ZRANB3: variants seen among roughly 807,000 people sequenced by gnomAD.
The protein encoded by ZRANB3 is DNA annealing helicase and endonuclease ZRANB3.
ZRANB3 carries 125 observed loss-of-function variants against 133.8 expected under a neutral mutation model. The observed-to-expected ratio is 0.93, with a 90% CI of 0.81 to 1.08. The LOEUF (loss-of-function observed/expected upper bound fraction) is 1.08, where lower values mean the gene tolerates loss of function less well. ZRANB3 is among the 50% of genes least tolerant of loss of function. The pLI is 0.00. For synonymous variants in ZRANB3, 387 were observed against 432.7 expected (o/e 0.89, Z 1.31); for missense variants, 1,229 against 1,275.5 (o/e 0.96, Z 0.56).
intron 3 of ZRANB3, among the ~76,000 whole-genome samples, chr2:135,382,424 A>G (rs1311277911): frequency 6.6e-6 from 1 of 152,236 alleles, no homozygotes; most frequent in African/African-American, 2.4e-5. Context: ...ACTCTGCAGG[A>G]TATTATCCAG....
chr2:135,390,565 C>A (rs1687178355), intron 3 of ZRANB3, among the ~76,000 whole-genome samples: 2 of 152,004 alleles, frequency 1.3e-5, no homozygotes, highest in African/African-American at 4.8e-5. Context: ...AATTTGGGGT[C>A]ACTAATGTTA....
At chr2:135,357,819 T>C (rs1438609120) in intron 3 of ZRANB3, among the ~76,000 whole-genome samples, 3 of 152,222 alleles carry the variant, frequency 2.0e-5, no homozygotes, top group Admixed American at 2.0e-4. Flanking sequence ...CCTCATATTT[T>C]CTAATTTAAC....
intron 6 of ZRANB3, among the ~76,000 whole-genome samples, chr2:135,339,977 C>T (rs1395863509): frequency 1.3e-5 from 2 of 151,910 alleles, no homozygotes; most frequent in Non-Finnish European, 2.9e-5. Flanking sequence ...TATGACTTCC[C>T]TAAAACAAAG....
At chr2:135,298,283 A>T (rs1682253137) in intron 8 of ZRANB3, among the ~76,000 whole-genome samples, 1 of 152,146 alleles carries the variant, frequency 6.6e-6, no homozygotes, top group Non-Finnish European at 1.5e-5. Flanking sequence ...TGCCTCCTTG[A>T]GTAGCTTAAT....
intron 3 of ZRANB3, among the ~76,000 whole-genome samples, chr2:135,378,581 T>C (rs1189342769): frequency 6.6e-6 from 1 of 151,364 alleles, no homozygotes; most frequent in Non-Finnish European, 1.5e-5. Context: ...AAAAATTCAG[T>C]ATAAAAAAAG....
Position 135,457,425 on chromosome 2 carries a change from T to C in ZRANB3, c.161+46904A>G, listed in dbSNP as rs1186372352. Among the ~76,000 whole-genome samples, 3 of 152,236 alleles carry C rather than the reference T, an allele frequency of 2.0e-5. No individual in the cohort carries two copies. The South Asian group carries it at 6.2e-4, about 32-fold the overall frequency. Reference sequence around the variant, plus strand: ...CACTATTTTACATTCCAATTAGGAGTGCATGAGGATTTCAATTAATCCACA... The same window carrying C: ...CACTATTTTACATTCCAATTAGGAGCGCATGAGGATTTCAATTAATCCACA... On this transcript the variant is annotated intron_variant, in intron 2 of 20. Transcript: ENST00000264159.
At chr2:135,281,595 G>A (rs1045073597) in intron 8 of ZRANB3, among the ~76,000 whole-genome samples, 1 of 152,074 alleles carries the variant, frequency 6.6e-6, no homozygotes, top group African/African-American at 2.4e-5. Context: ...GTCATCTTGG[G>A]GCTATAATAG....
intron 3 of ZRANB3, among the ~76,000 whole-genome samples, chr2:135,389,754 C>G (rs764483929): frequency 1.5e-4 from 23 of 151,882 alleles, no homozygotes; most frequent in Non-Finnish European, 2.5e-4. Flanking sequence ...TATATGCAAG[C>G]AAAACTAAAT....
intron 18 of ZRANB3, among the ~76,000 whole-genome samples, chr2:135,208,135 G>A (rs1327008356): frequency 6.6e-6 from 1 of 152,170 alleles, no homozygotes. Context: ...GTTAGAAAAT[G>A]CTTCTTCAGG....
At chr2:135,437,806 G>T (rs185159432) in intron 2 of ZRANB3, among the ~76,000 whole-genome samples, 1 of 152,324 alleles carries the variant, frequency 6.6e-6, no homozygotes, top group African/African-American at 2.4e-5. Context: ...TGGGCTAAAG[G>T]ATGATGAGAT....
At chr2:135,426,016 T>A (rs184491944) in intron 2 of ZRANB3, among the ~76,000 whole-genome samples, 1 of 152,008 alleles carries the variant, frequency 6.6e-6, no homozygotes, top group Non-Finnish European at 1.5e-5. Flanking sequence ...GACATTACCA[T>A]TGACCCCACA....
intron 3 of ZRANB3, among the ~76,000 whole-genome samples, chr2:135,372,774 G>A (rs866492372): frequency 2.8e-5 from 4 of 141,648 alleles, no homozygotes; most frequent in African/African-American, 1.1e-4. Context: ...GCGACAGAGC[G>A]AGACTCCATC....
At chr2:135,353,428 A>G in intron 4 of ZRANB3, 22 bp downstream of exon 4, 2 of 1,520,280 alleles carry the variant, frequency 1.3e-6, no homozygotes, top group East Asian at 4.7e-5. Flanking sequence ...TTTCTCCTTA[A>G]ATATTAAACA....
At chr2:135,323,009 T>C (rs906127225) in intron 6 of ZRANB3, among the ~76,000 whole-genome samples, 1 of 145,184 alleles carries the variant, frequency 6.9e-6, no homozygotes, top group Non-Finnish European at 1.5e-5. Context: ...AAACTCTGTC[T>C]CAAAAAAAAA....
intron 2 of ZRANB3, among the ~76,000 whole-genome samples, chr2:135,405,152 A>G (rs1210056503): frequency 6.6e-6 from 1 of 152,140 alleles, no homozygotes; most frequent in Non-Finnish European, 1.5e-5. Flanking sequence ...AAAACAAAAA[A>G]AGGCAGGGGT....
At chr2:135,501,124 CAAAGAG>C (rs1692922998) in intron 2 of ZRANB3, among the ~76,000 whole-genome samples, 2 of 151,916 alleles carry the variant, frequency 1.3e-5, no homozygotes, top group Admixed American at 6.6e-5. Flanking sequence ...ACTCCAAAGA[CAAAGAG>C]AAAATCTTCA....
intron 18 of ZRANB3, among the ~76,000 whole-genome samples, chr2:135,208,078 C>A (rs1442367392): frequency 6.6e-6 from 1 of 152,054 alleles, no homozygotes; most frequent in Admixed American, 6.6e-5. Context: ...CAAGGGGATG[C>A]CCTTGTGTTA....
chr2:135,229,755 C>A (rs2105066929), intron 13 of ZRANB3, among the ~76,000 whole-genome samples: 1 of 152,232 alleles, frequency 6.6e-6, no homozygotes, highest in Non-Finnish European at 1.5e-5. Context: ...CTTCCAGTTT[C>A]CAAAACTGTC....
intron 6 of ZRANB3, among the ~76,000 whole-genome samples, chr2:135,325,498 G>A (rs569882760): frequency 6.6e-6 from 1 of 152,008 alleles, no homozygotes; most frequent in Admixed American, 6.6e-5. Context: ...CCAGGTTCAC[G>A]CCATTCTCCT....
Sources: gnomAD v4.1 joint callset for allele counts (sites outside exome capture counted in the v4.1 genomes callset) on GRCh38, gnomAD v4.1.1 for gene constraint, MANE v1.5 for transcripts, NCBI Gene and HGNC (gene_info 2026-07-23, HGNC 2026-07-21) for gene names.